PDE4D: variants seen among roughly 807,000 people sequenced by gnomAD.
PDE4D encodes the protein 3',5'-cyclic-AMP phosphodiesterase 4D.
Under a neutral mutation model 87.4 loss-of-function variants are expected in PDE4D, and 24 were observed. That is an observed-to-expected ratio of 0.27 (90% CI 0.20 to 0.39). The LOEUF (loss-of-function observed/expected upper bound fraction) is 0.39, where lower values mean the gene tolerates loss of function less well. Among genes scored for constraint, PDE4D ranks in the 10% least tolerant of loss-of-function variants. The probability of loss-of-function intolerance (pLI) is 1.00; values close to 1 mark genes in which losing one functional copy is unlikely to be tolerated. For synonymous variants in PDE4D, 384 were observed against 383.2 expected (o/e 1.00, Z -0.02); for missense variants, 714 against 1,041.0 (o/e 0.69, Z 4.32).
At chr5:59,396,051 G>A (rs1246359516) in intron 1 of PDE4D, among the ~76,000 whole-genome samples, 3 of 119,930 alleles carry the variant, frequency 2.5e-5, no homozygotes, top group African/African-American at 6.7e-5. Context: ...AAAAAGAAAC[G>A]AGCAAAGCCT....
chr5:59,904,537 A>C (rs551232431), intron 3 of PDE4D, among the ~76,000 whole-genome samples: 1 of 152,302 alleles, frequency 6.6e-6, no homozygotes, highest in South Asian at 2.1e-4. Flanking sequence ...CATGAATTGA[A>C]AGATGAAAAA....
intron 6 of PDE4D, among the ~76,000 whole-genome samples, chr5:59,021,741 C>T (rs970278826): frequency 6.6e-6 from 1 of 152,096 alleles, no homozygotes; most frequent in Non-Finnish European, 1.5e-5. Context: ...TTGCAAAGCT[C>T]CTCAGAATTT....
intron 1 of PDE4D, among the ~76,000 whole-genome samples, chr5:59,569,057 C>A (rs1467349937): frequency 2.0e-5 from 3 of 152,092 alleles, no homozygotes; most frequent in Non-Finnish European, 4.4e-5. Flanking sequence ...TAAAATTTAT[C>A]TTTACAAAGC....
At chr5:59,215,193 C>G (rs970414341) in intron 2 of PDE4D, among the ~76,000 whole-genome samples, 1 of 152,196 alleles carries the variant, frequency 6.6e-6, no homozygotes, top group African/African-American at 2.4e-5. Flanking sequence ...TCAAGCTGTA[C>G]TATATCTTAA....
At chr5:59,467,539 T>C (rs879738578) in intron 1 of PDE4D, among the ~76,000 whole-genome samples, 214 of 152,350 alleles carry the variant, frequency 1.4e-3, no homozygotes, top group Admixed American at 0.012. Context: ...TTTACTCACA[T>C]TGGATAGATA....
intron 1 of PDE4D, among the ~76,000 whole-genome samples, chr5:60,431,811 C>G (rs1744341374): frequency 6.6e-6 from 1 of 152,262 alleles, no homozygotes; most frequent in Non-Finnish European, 1.5e-5. Context: ...CAGACTCCAT[C>G]TGCAATCCCA....
chr5:59,322,308 T>G (rs186204823), intron 1 of PDE4D, among the ~76,000 whole-genome samples: 5 of 152,254 alleles, frequency 3.3e-5, no homozygotes, highest in African/African-American at 1.2e-4. Flanking sequence ...CATAAACCTC[T>G]AGAGGAATGA....
chr5:59,141,475 C>T (rs1185010218), intron 5 of PDE4D, among the ~76,000 whole-genome samples: 1 of 152,124 alleles, frequency 6.6e-6, no homozygotes, highest in Non-Finnish European at 1.5e-5. Flanking sequence ...TTTGGAGGTT[C>T]TGAGGAAGTT....
intron 1 of PDE4D, among the ~76,000 whole-genome samples, chr5:59,852,002 G>A (rs556673334): frequency 9.2e-5 from 14 of 152,200 alleles, no homozygotes; most frequent in African/African-American, 3.4e-4. Flanking sequence ...GTTATCTTAA[G>A]CTGCTACATT....
chr5:59,840,677 G>A (rs1311985552), intron 1 of PDE4D, among the ~76,000 whole-genome samples: 1 of 152,032 alleles, frequency 6.6e-6, no homozygotes, highest in Non-Finnish European at 1.5e-5. Context: ...CACAGAAGAG[G>A]GTGTGGTGAG....
intron 1 of PDE4D, among the ~76,000 whole-genome samples, chr5:60,322,497 A>T (rs746621651): frequency 2.6e-5 from 4 of 151,912 alleles, no homozygotes; most frequent in Non-Finnish European, 5.9e-5. Context: ...TCAGCCAATA[A>T]TACTGTCTCC....
intron 3 of PDE4D, among the ~76,000 whole-genome samples, chr5:59,967,975 CTTTTTTTTTTTTTT>C (rs34199262): frequency 3.8e-5 from 2 of 52,726 alleles, no homozygotes; most frequent in Non-Finnish European, 6.8e-5. Context: ...GAGCCATATG[CTTTTTTTTTTTTTT>C]TTTTTTTTTT....
At chr5:59,015,305 G>T (rs1250681458) in intron 6 of PDE4D, among the ~76,000 whole-genome samples, 1 of 151,858 alleles carries the variant, frequency 6.6e-6, no homozygotes, top group Non-Finnish European at 1.5e-5. Context: ...CTTCTGCACA[G>T]CAAAAGAAAC....
At chr5:60,185,844 C>T (rs930173375) in intron 1 of PDE4D, among the ~76,000 whole-genome samples, 1 of 151,008 alleles carries the variant, frequency 6.6e-6, no homozygotes. Flanking sequence ...ACATAAGCAA[C>T]ATTTCCAAAA....
intron 1 of PDE4D, among the ~76,000 whole-genome samples, chr5:60,221,947 G>A (rs1348208980): frequency 1.3e-5 from 2 of 152,116 alleles, no homozygotes; most frequent in East Asian, 1.9e-4. Flanking sequence ...ATTTCCCTGG[G>A]ATAAATACCT....
intron 1 of PDE4D, among the ~76,000 whole-genome samples, chr5:60,290,895 A>G (rs1327246999): frequency 6.6e-6 from 1 of 152,226 alleles, no homozygotes; most frequent in Non-Finnish European, 1.5e-5. Context: ...TCTTTCCCCT[A>G]GTGTATTTGT....
At chr5:59,687,139 T>C (rs1353837815) in intron 1 of PDE4D, among the ~76,000 whole-genome samples, 11 of 152,176 alleles carry the variant, frequency 7.2e-5, no homozygotes, top group Non-Finnish European at 1.6e-4. Context: ...CATCAAGTTA[T>C]CTCATGTTTT....
chr5:59,528,613 T>C (rs1190393361), intron 1 of PDE4D, among the ~76,000 whole-genome samples: 2 of 152,026 alleles, frequency 1.3e-5, no homozygotes, highest in Non-Finnish European at 2.9e-5. Context: ...GTCTCTATGA[T>C]GTTCTGAGCT....
chr5:59,214,633 G>T (rs2153505520), intron 2 of PDE4D, among the ~76,000 whole-genome samples: 1 of 152,266 alleles, frequency 6.6e-6, no homozygotes, highest in South Asian at 2.1e-4. Context: ...TTCTCATTAT[G>T]TGTGAATGAA....
Sources: gnomAD v4.1 joint callset for allele counts (sites outside exome capture counted in the v4.1 genomes callset) on GRCh38, gnomAD v4.1.1 for gene constraint, MANE v1.5 for transcripts, NCBI Gene and HGNC (gene_info 2026-07-23, HGNC 2026-07-21) for gene names.